TOX2: variants seen among roughly 807,000 people sequenced by gnomAD.
The protein encoded by TOX2 is granulosa cell HMG box 1.
Under a neutral mutation model 47.4 loss-of-function variants are expected in TOX2, and 15 were observed. The ratio of observed to expected loss-of-function variants is 0.32; its 90% CI spans 0.21 to 0.49. The LOEUF (loss-of-function observed/expected upper bound fraction) is 0.49, where lower values mean the gene tolerates loss of function less well. Ranked by LOEUF, TOX2 falls within the 20% of genes least tolerant of loss-of-function variation. The pLI is 0.99. For synonymous variants in TOX2, 290 were observed against 296.6 expected (o/e 0.98, Z 0.23); for missense variants, 622 against 673.1 (o/e 0.92, Z 0.84).
chr20:44,005,828 C>T (rs1447754789), intron 2 of TOX2, among the ~76,000 whole-genome samples: 1 of 151,900 alleles, frequency 6.6e-6, no homozygotes. Flanking sequence ...CAAATGGCAT[C>T]CTTTGTGGTG....
rs964558304 is a variant in TOX2, at chr20:44,069,053, C to T, written c.*367C>T. The stretch of plus-strand genomic sequence containing the variant: ...GGGGTCGCTTACCAACGGACACCCA[C>T]CCCAGATGCATGGGCCAGAGGGCCG... On this transcript the variant is annotated 3_prime_UTR_variant, in exon 9 of 9. Transcript: ENST00000341197. 1.5e-5 allele frequency: 6 copies of T among 410,388 alleles called. No individual in the cohort carries two copies. The highest frequency in any genetic ancestry group is 1.9e-5 in the Non-Finnish European group (4 of 212,702). 25.4% of individuals were successfully genotyped at this position (410,388 alleles called of 1,614,324 possible).
chr20:44,055,890 ATCTTTACCGTAT>A (rs1383606976), intron 5 of TOX2, among the ~76,000 whole-genome samples: 3 of 152,192 alleles, frequency 2.0e-5, no homozygotes, highest in Admixed American at 2.0e-4. Context: ...TTGAAACATC[ATCTTTACCGTAT>A]TCTAAAATTT....
intron 2 of TOX2, among the ~76,000 whole-genome samples, chr20:43,988,110 G>A (rs776280298): frequency 9.2e-5 from 14 of 151,868 alleles, no homozygotes; most frequent in Admixed American, 2.0e-4. Flanking sequence ...ATTAGAGACG[G>A]GGCTTTACCA....
intron 3 of TOX2, among the ~76,000 whole-genome samples, chr20:44,042,151 C>T (rs1349812403): frequency 6.6e-6 from 1 of 152,206 alleles, no homozygotes; most frequent in Non-Finnish European, 1.5e-5. Flanking sequence ...GAAGCAAAGG[C>T]ACGTCTTACG....
intron 1 of TOX2, among the ~76,000 whole-genome samples, chr20:43,944,726 G>A (rs2069443296): frequency 6.6e-6 from 1 of 152,214 alleles, no homozygotes; most frequent in Non-Finnish European, 1.5e-5. Context: ...GCTCTGTGGT[G>A]CTTCCTCAGC....
intron 1 of TOX2, among the ~76,000 whole-genome samples, chr20:43,936,206 G>A (rs1224321863): frequency 6.6e-6 from 1 of 152,168 alleles, no homozygotes; most frequent in African/African-American, 2.4e-5. Context: ...AATGTCATAG[G>A]CCAGCAGGCT....
intron 3 of TOX2, among the ~76,000 whole-genome samples, chr20:44,030,950 C>T (rs2071140706): frequency 6.6e-6 from 1 of 152,106 alleles, no homozygotes; most frequent in Non-Finnish European, 1.5e-5. Flanking sequence ...TAAATTCTTC[C>T]TTAAAAACCC....
intron 3 of TOX2, among the ~76,000 whole-genome samples, chr20:44,028,343 G>A (rs537928841): frequency 6.6e-6 from 1 of 152,262 alleles, no homozygotes; most frequent in African/African-American, 2.4e-5. Context: ...GCAGCCTAGG[G>A]TGGGGCTGGA....
intron 4 of TOX2, among the ~76,000 whole-genome samples, chr20:44,053,619 C>T (rs756933645): frequency 1.3e-3 from 187 of 148,292 alleles, no homozygotes; most frequent in Non-Finnish European, 2.2e-3. Context: ...CATATACACA[C>T]ACACACACAC....
chr20:43,945,953 C>G (rs754903405), intron 1 of TOX2: 3 of 1,614,014 alleles, frequency 1.9e-6, no homozygotes, highest in Non-Finnish European at 2.5e-6. Flanking sequence ...GGCGCGTTCT[C>G]TCGCTGCCTG....
At chr20:44,066,996 G>T in intron 8 of TOX2, 139 bp downstream of exon 8, 2 of 1,262,886 alleles carry the variant, frequency 1.6e-6, no homozygotes, top group Non-Finnish European at 2.1e-6. Flanking sequence ...TGAGGGGATC[G>T]ATATCTCAGA....
chr20:44,041,604 C>G (rs1235905094), intron 3 of TOX2, among the ~76,000 whole-genome samples: 4 of 152,196 alleles, frequency 2.6e-5, no homozygotes, highest in Middle Eastern at 3.2e-3. Context: ...AGTGGGCGCT[C>G]TCATCCCCAA....
Position 43,915,677 on chromosome 20 carries a change from A to T in TOX2, c.99+687A>T, listed in dbSNP as rs1347113343. ...CTCGCGCGTCGAGGTTTAACTTCTCAGCGCCGCAGCACACTAATTGGGCAG... is the reference window on the plus strand; with the variant it reads ...CTCGCGCGTCGAGGTTTAACTTCTCTGCGCCGCAGCACACTAATTGGGCAG... On this transcript the variant is annotated intron_variant, in intron 1 of 8. Coordinates refer to ENST00000341197, the MANE Select transcript of TOX2 (RefSeq NM_001098797.2). The surrounding 1 kb of genome is among the most constrained non-coding windows in gnomAD (Gnocchi z 7.1). 6.6e-6 allele frequency among the ~76,000 whole-genome samples: 1 copy of T among 152,226 alleles called. No homozygotes were observed. Among genetic ancestry groups the T allele is most frequent in the African/African-American group, 2.4e-5 (1 of 41,454 alleles).
In TOX2 at chr20:43,953,218, C is replaced by G. The variant is rs963914001; in HGVS notation, c.100-20149C>G. Among the ~76,000 whole-genome samples, 13 of 102,028 alleles carry G rather than the reference C, an allele frequency of 1.3e-4. No individual in the cohort carries two copies. In the East Asian group the frequency reaches 3.7e-3, roughly 29 times the overall value. The allele number at this position is 102,028 out of a possible 152,430, so 66.9% of individuals were successfully genotyped here. On this transcript the variant is annotated intron_variant, in intron 1 of 8. Transcript: ENST00000341197. ...GGCTGATTTTAGACTTCGGGCTTTC[C>G]AGAACTGTAAGAGAATATGTTGTTT...
intron 3 of TOX2, among the ~76,000 whole-genome samples, chr20:44,017,144 A>C (rs373692261): frequency 9.8e-5 from 15 of 152,330 alleles, no homozygotes; most frequent in Admixed American, 8.5e-4. Context: ...TTAATTACTG[A>C]ATGAATGGGA....
intron 1 of TOX2, among the ~76,000 whole-genome samples, chr20:43,936,326 A>G (rs549665183): frequency 2.0e-5 from 3 of 152,210 alleles, no homozygotes; most frequent in Non-Finnish European, 4.4e-5. Flanking sequence ...TTTGGCTGTG[A>G]GTATTATCAG....
intron 1 of TOX2, among the ~76,000 whole-genome samples, chr20:43,931,501 T>C (rs1030106544): frequency 6.6e-6 from 1 of 152,184 alleles, no homozygotes; most frequent in Non-Finnish European, 1.5e-5. Flanking sequence ...ACTGCTATCC[T>C]CCCCTGTGCT....
At chr20:43,918,971 C>T (rs767537221) in intron 1 of TOX2, among the ~76,000 whole-genome samples, 57 of 152,200 alleles carry the variant, frequency 3.7e-4, no homozygotes, top group Non-Finnish European at 6.9e-4. Flanking sequence ...ACAACAATAT[C>T]AACCATCTGG....
At chr20:43,924,496 G>A (rs1427753567) in intron 1 of TOX2, among the ~76,000 whole-genome samples, 2 of 152,180 alleles carry the variant, frequency 1.3e-5, no homozygotes, top group East Asian at 3.9e-4. Context: ...TGCTTAAGGA[G>A]GTCACCTCTG....
Sources: allele counts gnomAD v4.1 joint callset (sites outside exome capture counted in the v4.1 genomes callset), GRCh38; gene constraint gnomAD v4.1.1; non-coding constraint Gnocchi (gnomAD v3.1); transcripts MANE v1.5; gene names NCBI Gene and HGNC (gene_info 2026-07-23, HGNC 2026-07-21).